Variants in AMACR observed in about 807,000 individuals in gnomAD.
AMACR encodes the protein 2-methylacyl-CoA racemase.
AMACR carries 18 observed loss-of-function variants against 22.2 expected under a neutral mutation model. The observed-to-expected ratio is 0.81, with a 90% CI of 0.56 to 1.20. AMACR has a LOEUF of 1.20. Among genes scored for constraint, AMACR ranks in the 50% most tolerant of loss-of-function variants. The pLI is 0.00. For synonymous variants in AMACR, 213 were observed against 191.3 expected (o/e 1.11, Z -0.94); for missense variants, 499 against 490.6 (o/e 1.02, Z -0.16).
In AMACR at chr5:33,988,648, C is replaced by G. The variant is rs190570912; in HGVS notation, c.*445G>C. 4.0e-6 allele frequency: 5 copies of G among 1,253,302 alleles called. No homozygotes were observed. The Admixed American group carries it at 1.9e-4, about 48-fold the overall frequency. The allele number at this position is 1,253,302 out of a possible 1,614,324, so 77.6% of individuals were successfully genotyped here. A position where few individuals can be genotyped will look rare whatever the true frequency, so the allele number is the denominator to read the frequency against. On this transcript the variant is annotated 3_prime_UTR_variant, in exon 5 of 5. Transcript: ENST00000335606. ...AGATCATGAACACCAAGACAAAAGG[C>G]CTGGATGCAACCAATCACTCTGTTT...
intron 4 of AMACR, chr5:33,996,997 A>ATT: frequency 1.7e-6 from 1 of 602,432 alleles, no homozygotes; most frequent in Non-Finnish European, 3.0e-6. Context: ...AATGTCCAGT[A>ATT]TTTTTTTTTA....
At position 33,988,440 on chromosome 5, in the gene AMACR, G is replaced by C; in HGVS notation, c.*653C>G. ...CGGGGAAACAGGCCCCGAGTTACTGGATACAGGCAACCCTAAAACTGACTG... is the reference window on the plus strand; with the variant it reads ...CGGGGAAACAGGCCCCGAGTTACTGCATACAGGCAACCCTAAAACTGACTG... On this transcript the variant is annotated 3_prime_UTR_variant, in exon 5 of 5. Transcript: ENST00000335606. 6.5e-7 allele frequency: 1 copy of C among 1,534,160 alleles called. No individual in the cohort carries two copies. Among genetic ancestry groups the C allele is most frequent in the Non-Finnish European group, 8.7e-7 (1 of 1,145,444 alleles).
intron 3 of AMACR, among the ~76,000 whole-genome samples, chr5:34,000,104 T>A (rs1753769230): frequency 6.6e-6 from 1 of 152,256 alleles, no homozygotes; most frequent in Non-Finnish European, 1.5e-5. Context: ...CAATTTTGCA[T>A]AAATATTACC....
chr5:33,987,151 G>T lies in AMACR; in HGVS notation c.*1942C>A, dbSNP rs543725887. The T allele has an allele frequency of 6.6e-6, 1 of 152,134 alleles. No homozygotes were observed. The highest frequency in any genetic ancestry group is 2.4e-5 in the African/African-American group (1 of 41,336). The allele number at this position is 152,134 out of a possible 1,614,324, so 9.4% of individuals were successfully genotyped here. On this transcript the variant is annotated 3_prime_UTR_variant, in exon 5 of 5. Transcript: ENST00000335606. Reference sequence around the variant, plus strand: ...TCCTGCCCCACCCTTGAGTAGATAGGACTACAGGCACACACCACCATACCT... The same window carrying T: ...TCCTGCCCCACCCTTGAGTAGATAGTACTACAGGCACACACCACCATACCT...
At chr5:33,998,558 T>TA in intron 4 of AMACR, 83 bp downstream of exon 4, 1 of 1,428,434 alleles carries the variant, frequency 7.0e-7, no homozygotes, top group South Asian at 1.4e-5. Context: ...AAAGACATCC[T>TA]AGATGCCAAA....
chr5:33,996,027 T>C (rs1012472766), intron 4 of AMACR, among the ~76,000 whole-genome samples: 3 of 152,100 alleles, frequency 2.0e-5, no homozygotes, highest in Non-Finnish European at 4.4e-5. Flanking sequence ...AAAAGAAGTT[T>C]GCAGCTTCCC....
rs1438339596 is a variant in AMACR at position 33,989,432 on chromosome 5, C to T, written c.810G>A (p.Lys270=). The stretch of plus-strand genomic sequence containing the variant: ...TCTTCTCTGCAAATACATCTGCAAA[C>T]TTCTTCTTCATTTCTGGCCAATCAT... ...SMDDWPEMKK[K]FADVFAEKTK... Residue 270 remains lysine (K), a synonymous_variant, in exon 5 of 5, where the codon AAG becomes AAA. Coordinates refer to ENST00000335606, the MANE Select transcript of AMACR (RefSeq NM_014324.6). 6.2e-7 allele frequency: 1 copy of T among 1,613,978 alleles called. No individual in the cohort carries two copies. The highest frequency in any genetic ancestry group is 8.5e-7 in the Non-Finnish European group (1 of 1,179,940).
chr5:33,998,612 A>G (rs375868211), intron 4 of AMACR, 29 bp downstream of exon 4: 4 of 1,576,030 alleles, frequency 2.5e-6, no homozygotes, highest in Non-Finnish European at 3.4e-6. Flanking sequence ...CAAAAGGGGA[A>G]CTGGGGGAGA....
chr5:34,007,704 C>G (rs561307847), intron 1 of AMACR, 69 bp downstream of exon 1: 14 of 1,466,598 alleles, frequency 9.5e-6, no homozygotes, highest in East Asian at 2.5e-5. Context: ...GGTGCAGCCT[C>G]GATCGAACGG....
At chr5:34,000,077 A>C (rs1753768599) in intron 3 of AMACR, among the ~76,000 whole-genome samples, 1 of 152,232 alleles carries the variant, frequency 6.6e-6, no homozygotes, top group Non-Finnish European at 1.5e-5. Context: ...TAGACTTTAA[A>C]ATAAAGCTTT....
At position 34,007,968 on chromosome 5, in the gene AMACR, G is replaced by C. The variant is rs767249127; in HGVS notation, c.52C>G (p.Pro18Ala). ...VVELSGLAPG[P>A]FCAMVLADFG... ...TCAGCCAGGACCATAGCACAGAACGGGCCCGGGGCCAGGCCGGACAGCTCC... is the reference window on the plus strand; with the variant it reads ...TCAGCCAGGACCATAGCACAGAACGCGCCCGGGGCCAGGCCGGACAGCTCC... Residue 18 changes from proline (P) to alanine (A), a missense_variant, in exon 1 of 5, where the codon CCG becomes GCG. Pro to Ala is a conservative substitution (Grantham distance 27). Transcript: ENST00000335606. 2 of 1,611,540 alleles carry C rather than the reference G, an allele frequency of 1.2e-6. No individual in the cohort carries two copies. The highest frequency in any genetic ancestry group is 1.1e-5 in the South Asian group (1 of 91,074).
chr5:33,992,835 A>T (rs1275331517), intron 4 of AMACR, among the ~76,000 whole-genome samples: 1 of 152,208 alleles, frequency 6.6e-6, no homozygotes, highest in East Asian at 1.9e-4. Flanking sequence ...TACTTTTTAA[A>T]ATCCGTATTG....
chr5:33,989,964 G>C (rs951868840), intron 4 of AMACR, among the ~76,000 whole-genome samples: 10 of 152,098 alleles, frequency 6.6e-5, no homozygotes, highest in African/African-American at 2.2e-4. Flanking sequence ...TTTAATTCAG[G>C]ATTGCAATTT....
chr5:33,994,105 G>A, intron 4 of AMACR: 1 of 455,196 alleles, frequency 2.2e-6, no homozygotes, highest in Non-Finnish European at 4.4e-6. Context: ...ACAGATTAAA[G>A]TATGGTATCA....
chr5:33,993,847 C>T (rs1753557312), intron 4 of AMACR: 3 of 291,862 alleles, frequency 1.0e-5, no homozygotes, highest in South Asian at 3.0e-5. Context: ...TACAGTGAGC[C>T]GAGATCATGC....
chr5:34,006,788 C>A lies in AMACR; in HGVS notation c.248-889G>T, dbSNP rs115676090. On this transcript the variant is annotated intron_variant, in intron 1 of 4. Coordinates refer to ENST00000335606, the MANE Select transcript of AMACR (RefSeq NM_014324.6). ...AACGCATTTAAATAAGCCGGCTGTG[C>A]CGTAGGCATTCATTCATTCACCATT... Among the ~76,000 whole-genome samples the A allele has an allele frequency of 3.4e-3, 518 of 152,362 alleles. 4 individuals carry two copies. Among genetic ancestry groups the A allele is most frequent in the African/African-American group, 0.012 (496 of 41,572 alleles).
At chr5:33,995,255 T>C (rs1753601457) in intron 4 of AMACR, among the ~76,000 whole-genome samples, 1 of 152,196 alleles carries the variant, frequency 6.6e-6, no homozygotes, top group African/African-American at 2.4e-5. Context: ...GTAACCCTTA[T>C]TTTACTTCCT....
chr5:33,990,925 G>A (rs750028908), intron 4 of AMACR, among the ~76,000 whole-genome samples: 7 of 152,200 alleles, frequency 4.6e-5, no homozygotes, highest in Non-Finnish European at 8.8e-5. Flanking sequence ...ATACCAGGAC[G>A]GATATGAGGC....
chr5:33,987,249 G>T lies in AMACR; in HGVS notation c.*1844C>A. 1 of 152,608 alleles carries T rather than the reference G, an allele frequency of 6.6e-6. No homozygotes were observed. The highest frequency in any genetic ancestry group is 1.9e-4 in the South Asian group (1 of 5,192). 9.5% of individuals were successfully genotyped at this position (152,608 alleles called of 1,614,324 possible). On this transcript the variant is annotated 3_prime_UTR_variant, in exon 5 of 5. Coordinates refer to ENST00000335606, the MANE Select transcript of AMACR (RefSeq NM_014324.6). ...TTCCCCAGGCTGGTCTCGAACTCTT[G>T]GCCTCAAGTGATCCTCCATGCCTGG...
Sources: gnomAD v4.1 joint callset for allele counts (sites outside exome capture counted in the v4.1 genomes callset) on GRCh38, gnomAD v4.1.1 for gene constraint, MANE v1.5 for transcripts, NCBI Gene and HGNC (gene_info 2026-07-23, HGNC 2026-07-21) for gene names.